Variants in PLA2R1 observed in about 807,000 individuals in gnomAD.
PLA2R1 encodes the protein secretory phospholipase A2 receptor.
A neutral mutation model predicts 195.9 loss-of-function variants in PLA2R1; 158 were observed. That is an observed-to-expected ratio of 0.81 (90% CI 0.71 to 0.92). The LOEUF is 0.92. PLA2R1 is among the 40% of genes least tolerant of loss of function. The probability of loss-of-function intolerance (pLI) is 0.00; values close to 1 mark genes in which losing one functional copy is unlikely to be tolerated. For missense variants in PLA2R1, 1,626 were observed against 1,764.6 expected (o/e 0.92, Z 1.41); for synonymous variants, 586 against 598.2 (o/e 0.98, Z 0.30).
At chr2:159,979,513 G>A (rs942245065) in intron 14 of PLA2R1, among the ~76,000 whole-genome samples, 6 of 152,172 alleles carry the variant, frequency 3.9e-5, no homozygotes, top group African/African-American at 1.4e-4. Context: ...GAGGTATAGG[G>A]TAAAGGGAGT....
At chr2:160,019,727 C>G (rs1558940620) in intron 8 of PLA2R1, among the ~76,000 whole-genome samples, 1 of 152,226 alleles carries the variant, frequency 6.6e-6, no homozygotes, top group Non-Finnish European at 1.5e-5. Flanking sequence ...TTCAACATGG[C>G]AAGTCTTGGT....
At chr2:159,929,265 C>G (rs962990388), downstream of PLA2R1, among the ~76,000 whole-genome samples, 1 of 152,116 alleles carries the variant, frequency 6.6e-6, no homozygotes, top group African/African-American at 2.4e-5. Context: ...TGACAAAGGA[C>G]TAACATCCAG....
At chr2:159,968,596 T>C (rs1688939430) in intron 19 of PLA2R1, among the ~76,000 whole-genome samples, 1 of 152,236 alleles carries the variant, frequency 6.6e-6, no homozygotes, top group African/African-American at 2.4e-5. Flanking sequence ...ATCCCTCTCC[T>C]GGCCTGGGGC....
At chr2:160,038,777 A>G (rs1267445664) in intron 3 of PLA2R1, among the ~76,000 whole-genome samples, 1 of 152,112 alleles carries the variant, frequency 6.6e-6, no homozygotes, top group Non-Finnish European at 1.5e-5. Context: ...AGAAACATAT[A>G]GCATTGCTGA....
chr2:160,045,909 G>A (rs17341301), intron 1 of PLA2R1, among the ~76,000 whole-genome samples: 47,648 of 152,008 alleles, frequency 0.31, 8,926 homozygotes, highest in Non-Finnish European at 0.42. Flanking sequence ...ATGGACAGGC[G>A]GAGAAAGCAG....
At chr2:159,965,639 A>G (rs941097906) in intron 20 of PLA2R1, among the ~76,000 whole-genome samples, 1 of 152,128 alleles carries the variant, frequency 6.6e-6, no homozygotes, top group Non-Finnish European at 1.5e-5. Context: ...TAAGTTTTCA[A>G]CTCCTTTGGG....
At chr2:159,931,055 A>G (rs185989140), downstream of PLA2R1, among the ~76,000 whole-genome samples, 10 of 152,356 alleles carry the variant, frequency 6.6e-5, no homozygotes, top group African/African-American at 2.2e-4. Context: ...AAACACGAAC[A>G]GCTGAAGCCG....
At chr2:159,994,775 C>A (rs1400281099) in intron 11 of PLA2R1, among the ~76,000 whole-genome samples, 3 of 151,848 alleles carry the variant, frequency 2.0e-5, no homozygotes, top group Non-Finnish European at 4.4e-5. Context: ...ATTTGATAAA[C>A]TTAATACTAA....
At chr2:159,927,639 T>C (rs1015561939), downstream of PLA2R1, among the ~76,000 whole-genome samples, 12 of 152,218 alleles carry the variant, frequency 7.9e-5, 1 homozygote, top group East Asian at 9.6e-4. Context: ...CTATTTGGGT[T>C]CCAGTGCATA....
chr2:159,978,056 C>T (rs1212047836), intron 14 of PLA2R1, among the ~76,000 whole-genome samples: 1 of 152,118 alleles, frequency 6.6e-6, no homozygotes, highest in Non-Finnish European at 1.5e-5. Context: ...ATTTTCTAGC[C>T]TTGGAATCCT....
chr2:160,034,284 A>T (rs4665141), intron 3 of PLA2R1, among the ~76,000 whole-genome samples: 53,739 of 152,076 alleles, frequency 0.35, 11,823 homozygotes, highest in Non-Finnish European at 0.5. Flanking sequence ...TTTAAATCAC[A>T]TATAAATCTA....
chr2:160,044,679 G>A (rs1008375804), intron 2 of PLA2R1, 95 bp downstream of exon 2: 50 of 1,063,478 alleles, frequency 4.7e-5, no homozygotes, highest in East Asian at 1.4e-4. Context: ...TCCAGGCTTC[G>A]TGTACTTCTT....
intron 19 of PLA2R1, 96 bp from the exon 20 acceptor site, chr2:159,967,774 T>C: frequency 1.0e-6 from 1 of 1,003,436 alleles, no homozygotes; most frequent in Non-Finnish European, 1.4e-6. Flanking sequence ...CTATGGTTTT[T>C]CATAATTTAT....
At chr2:159,971,577 G>A (rs974714076) in intron 17 of PLA2R1, among the ~76,000 whole-genome samples, 1 of 152,130 alleles carries the variant, frequency 6.6e-6, no homozygotes, top group Non-Finnish European at 1.5e-5. Context: ...GGAAGAGGAA[G>A]TAAGGGTTTT....
At chr2:159,981,947 G>A (rs1157766983) in intron 13 of PLA2R1, among the ~76,000 whole-genome samples, 1 of 152,142 alleles carries the variant, frequency 6.6e-6, no homozygotes, top group Non-Finnish European at 1.5e-5. Context: ...CCAAAGTGCT[G>A]TGACCCACTG....
At chr2:160,006,373 A>G (rs1482236653) in intron 10 of PLA2R1, among the ~76,000 whole-genome samples, 7 of 152,246 alleles carry the variant, frequency 4.6e-5, no homozygotes, top group Non-Finnish European at 8.8e-5. Flanking sequence ...AGGCAGAGGT[A>G]GGTCTCAGCT....
At chr2:160,009,783 T>C (rs1261453839) in intron 10 of PLA2R1, among the ~76,000 whole-genome samples, 1 of 152,120 alleles carries the variant, frequency 6.6e-6, no homozygotes, top group Non-Finnish European at 1.5e-5. Context: ...AGGAAAACGG[T>C]AGAGCTGTAA....
intron 1 of PLA2R1, among the ~76,000 whole-genome samples, chr2:160,052,282 A>T (rs1695258519): frequency 6.6e-6 from 1 of 151,946 alleles, no homozygotes; most frequent in South Asian, 2.1e-4. Flanking sequence ...TCTGTTACCA[A>T]CCCCTGTGCC....
intron 10 of PLA2R1, among the ~76,000 whole-genome samples, chr2:160,007,518 G>C (rs540625622): frequency 6.6e-6 from 1 of 152,252 alleles, no homozygotes; most frequent in Non-Finnish European, 1.5e-5. Context: ...ACCGGTGGAA[G>C]AGCACACCGA....
Sources: gnomAD v4.1 joint callset for allele counts (sites outside exome capture counted in the v4.1 genomes callset) on GRCh38, gnomAD v4.1.1 for gene constraint, MANE v1.5 for transcripts, NCBI Gene and HGNC (gene_info 2026-07-23, HGNC 2026-07-21) for gene names.